The following PDGFD variants were observed in gnomAD, a reference collection of about 807,000 sequenced individuals.
PDGFD encodes platelet derived growth factor D.
PDGFD carries 30 observed loss-of-function variants against 44.7 expected under a neutral mutation model. The observed-to-expected ratio is 0.67, with a 90% CI of 0.50 to 0.91. The LOEUF is 0.91. Among genes scored for constraint, PDGFD ranks in the 40% least tolerant of loss-of-function variants. The pLI, the probability that PDGFD is intolerant of heterozygous loss-of-function variation, is 0.00. For synonymous variants in PDGFD, 173 were observed against 168.4 expected (o/e 1.03, Z -0.21); for missense variants, 445 against 457.8 (o/e 0.97, Z 0.25).
At chr11:103,957,497 T>G (rs1024658601) in intron 3 of PDGFD, among the ~76,000 whole-genome samples, 1 of 152,156 alleles carries the variant, frequency 6.6e-6, no homozygotes, top group African/African-American at 2.4e-5. Context: ...CAAAGCAGCA[T>G]GGTACAGGTA....
At chr11:104,108,835 A>C (rs1304514674) in intron 1 of PDGFD, among the ~76,000 whole-genome samples, 1 of 152,182 alleles carries the variant, frequency 6.6e-6, no homozygotes, top group Non-Finnish European at 1.5e-5. Flanking sequence ...GATTAAGAAA[A>C]TGTGGCACAT....
At chr11:103,909,872 C>A in intron 6 of PDGFD, 53 bp from the exon 7 acceptor site, 4 of 1,607,816 alleles carry the variant, frequency 2.5e-6, no homozygotes, top group Non-Finnish European at 3.4e-6. Flanking sequence ...TCAACTCAGT[C>A]AGATGCCACC....
At chr11:104,021,869 T>C (rs1006461750) in intron 1 of PDGFD, among the ~76,000 whole-genome samples, 1 of 152,154 alleles carries the variant, frequency 6.6e-6, no homozygotes, top group African/African-American at 2.4e-5. Flanking sequence ...TACTAACACC[T>C]TGGGTACAGG....
Position 103,926,963 on chromosome 11 carries a change from G to C in PDGFD, c.936C>G (p.Asn312Lys), listed in dbSNP as rs952385923. Residue 312 changes from asparagine (N) to lysine (K), a missense_variant, in exon 6 of 7, where the codon AAC (asparagine) becomes AAG (lysine). Transcript: ENST00000393158. ...CTGAATTGCATGTGCAGGACCTCCA[G>C]TTGACAGTTCCACAGCCACAATTTC... ...CGGNCGCGTV[N>K]WRSCTCNSGK... The C allele has an allele frequency of 2.5e-6, 4 of 1,614,058 alleles. No individual in the cohort carries two copies. The African/African-American group carries it at 5.3e-5, about 22-fold the overall frequency.
intron 1 of PDGFD, among the ~76,000 whole-genome samples, chr11:104,108,359 A>C (rs1591167510): frequency 2.4e-5 from 1 of 41,846 alleles, no homozygotes; most frequent in Non-Finnish European, 4.6e-5. Context: ...AATTTATAAG[A>C]AAAAAAAAAC....
chr11:104,132,358 A>C (rs77265785), intron 1 of PDGFD, among the ~76,000 whole-genome samples: 19,809 of 151,942 alleles, frequency 0.13, 1,422 homozygotes, highest in East Asian at 0.29. Context: ...TATAAAAATT[A>C]TTTTTTCTTT....
At chr11:104,128,843 G>A (rs1395975561) in intron 1 of PDGFD, among the ~76,000 whole-genome samples, 3 of 152,040 alleles carry the variant, frequency 2.0e-5, no homozygotes, top group Admixed American at 2.0e-4. Flanking sequence ...ACATAAAAAT[G>A]CCCAATAAAT....
At chr11:103,977,637 T>A (rs549673075) in intron 3 of PDGFD, among the ~76,000 whole-genome samples, 1 of 152,068 alleles carries the variant, frequency 6.6e-6, no homozygotes, top group Non-Finnish European at 1.5e-5. Flanking sequence ...CTCTTGACAG[T>A]GATAATATAT....
At chr11:104,022,688 TA>T (rs1167171235) in intron 1 of PDGFD, among the ~76,000 whole-genome samples, 1 of 151,972 alleles carries the variant, frequency 6.6e-6, no homozygotes, top group African/African-American at 2.4e-5. Flanking sequence ...AACAAATATT[TA>T]GAAAATATTA....
intron 1 of PDGFD, among the ~76,000 whole-genome samples, chr11:104,144,414 G>A (rs1862131016): frequency 1.4e-5 from 2 of 147,992 alleles, no homozygotes; most frequent in South Asian, 4.3e-4. Context: ...GCTGAGGCAG[G>A]AGAATCGCTT....
intron 1 of PDGFD, among the ~76,000 whole-genome samples, chr11:104,131,265 T>C (rs1241180459): frequency 6.6e-6 from 1 of 152,172 alleles, no homozygotes; most frequent in Admixed American, 6.5e-5. Context: ...ATCAGACTTG[T>C]GTAATACTAA....
At chr11:104,036,697 A>G in intron 1 of PDGFD, 1 of 739,226 alleles carries the variant, frequency 1.4e-6, no homozygotes, top group East Asian at 2.5e-5. Context: ...CTGAGAGGTG[A>G]ATGAGCCCGG....
intron 1 of PDGFD, among the ~76,000 whole-genome samples, chr11:104,050,411 T>C (rs542163368): frequency 4.6e-5 from 7 of 152,312 alleles, no homozygotes; most frequent in South Asian, 2.1e-4. Flanking sequence ...GAAAAGGTAG[T>C]TGAATTTCAG....
At chr11:103,949,936 T>C (rs1282027525) in intron 3 of PDGFD, among the ~76,000 whole-genome samples, 1 of 151,988 alleles carries the variant, frequency 6.6e-6, no homozygotes, top group Non-Finnish European at 1.5e-5. Context: ...TTAGACAAGG[T>C]GAGGAAAGTA....
chr11:104,157,388 A>G lies in PDGFD; in HGVS notation c.124+6416T>C, dbSNP rs1029311180. On this transcript the variant is annotated intron_variant, in intron 1 of 6. Coordinates refer to ENST00000393158, the MANE Select transcript of PDGFD (RefSeq NM_025208.5). ...TCAGGAACACTCCACCCAGCAGTCA[A>G]ACACAGAATGGGCCACGTCTCTGTC... 7.9e-5 allele frequency among the ~76,000 whole-genome samples: 12 copies of G among 152,194 alleles called. 1 individual carries two copies. Among genetic ancestry groups the G allele is most frequent in the Admixed American group, 2.6e-4 (4 of 15,280 alleles).
At position 103,943,440 on chromosome 11, in the gene PDGFD, T is replaced by G. The variant is rs1348452876; in HGVS notation, c.772+12A>C. 1 of 1,606,102 alleles carries G rather than the reference T, an allele frequency of 6.2e-7. No homozygotes were observed. The highest frequency in any genetic ancestry group is 8.5e-7 in the Non-Finnish European group (1 of 1,174,772). On this transcript the variant is annotated intron_variant, in intron 5 of 6. Transcript: ENST00000393158. Reference sequence around the variant, plus strand: ...TGTGCTTATGAAGAATGTACAAGTGTCTGTCTCTTACCTTTTGACTTCCGG... The same window carrying G: ...TGTGCTTATGAAGAATGTACAAGTGGCTGTCTCTTACCTTTTGACTTCCGG...
chr11:104,146,680 C>A (rs1862167790), intron 1 of PDGFD, among the ~76,000 whole-genome samples: 1 of 152,142 alleles, frequency 6.6e-6, no homozygotes, highest in Non-Finnish European at 1.5e-5. Flanking sequence ...TCATTAGCAT[C>A]AAAGTTAGTC....
chr11:103,916,457 T>C (rs888785414), intron 6 of PDGFD, among the ~76,000 whole-genome samples: 4 of 152,182 alleles, frequency 2.6e-5, no homozygotes, highest in Admixed American at 2.0e-4. Flanking sequence ...GGAGAGGATG[T>C]GGAGAAATAG....
chr11:103,956,461 C>T (rs535274436), intron 3 of PDGFD, among the ~76,000 whole-genome samples: 1 of 46,698 alleles, frequency 2.1e-5, no homozygotes, highest in African/African-American at 2.5e-4. Context: ...CAGTCTATCA[C>T]ATAAGGACAT....
Sources: allele counts gnomAD v4.1 joint callset (sites outside exome capture counted in the v4.1 genomes callset), GRCh38; gene constraint gnomAD v4.1.1; transcripts MANE v1.5; gene names NCBI Gene and HGNC (gene_info 2026-07-23, HGNC 2026-07-21).